The following DPP10 variants were observed in gnomAD, a reference collection of about 807,000 sequenced individuals.
The protein encoded by DPP10 is dipeptidyl peptidase like 10.
In DPP10, 33 loss-of-function variants were observed where a neutral mutation model predicts 120.9. That is an observed-to-expected ratio of 0.27 (90% CI 0.21 to 0.37). DPP10 has a LOEUF of 0.37. DPP10 is among the 10% of genes least tolerant of loss of function. The pLI, the probability that DPP10 is intolerant of heterozygous loss-of-function variation, is 1.00. For missense variants in DPP10, 816 were observed against 942.8 expected (o/e 0.87, Z 1.76); for synonymous variants, 337 against 326.1 (o/e 1.03, Z -0.36).
chr2:114,883,671 A>G (rs998677038), intron 1 of DPP10, among the ~76,000 whole-genome samples: 3 of 152,222 alleles, frequency 2.0e-5, no homozygotes. Flanking sequence ...GTGTATCTAC[A>G]TTACTAATCC....
chr2:115,007,402 T>C (rs1158918723), intron 1 of DPP10, among the ~76,000 whole-genome samples: 3 of 152,024 alleles, frequency 2.0e-5, no homozygotes, highest in Non-Finnish European at 4.4e-5. Context: ...TCTCAATAAA[T>C]TAAGTATTGA....
chr2:115,031,191 G>A (rs79482637), intron 1 of DPP10, among the ~76,000 whole-genome samples: 4,318 of 152,068 alleles, frequency 0.028, 169 homozygotes, highest in African/African-American at 0.092. Flanking sequence ...CAAGGTATCA[G>A]TCTTAGAAGA....
chr2:114,778,276 T>G (rs934986536), intron 1 of DPP10, among the ~76,000 whole-genome samples: 1 of 152,112 alleles, frequency 6.6e-6, no homozygotes, highest in East Asian at 1.9e-4. Flanking sequence ...CTAAAGTATA[T>G]TATATATGCA....
At chr2:114,699,356 G>A (rs1190828984) in intron 1 of DPP10, among the ~76,000 whole-genome samples, 4 of 152,144 alleles carry the variant, frequency 2.6e-5, no homozygotes, top group Middle Eastern at 6.8e-3. Context: ...AACATATTTT[G>A]ATAATTTAAT....
chr2:115,806,041 G>A (rs1170297807), intron 19 of DPP10, among the ~76,000 whole-genome samples: 4 of 152,108 alleles, frequency 2.6e-5, no homozygotes, highest in African/African-American at 9.7e-5. Flanking sequence ...GCAACAATGT[G>A]CCATACAAGC....
chr2:114,444,555 G>T (rs912425286), intron 1 of DPP10, among the ~76,000 whole-genome samples: 1 of 134,478 alleles, frequency 7.4e-6, no homozygotes, highest in Admixed American at 7.9e-5. Flanking sequence ...GGCATTGGCT[G>T]CCCACAAACA....
intron 3 of DPP10, among the ~76,000 whole-genome samples, chr2:115,398,508 ATAAC>A (rs1559542941): frequency 1.3e-5 from 2 of 152,092 alleles, no homozygotes; most frequent in African/African-American, 4.8e-5. Flanking sequence ...TATAGCATAA[ATAAC>A]AGAATGTGTT....
At position 114,958,192 on chromosome 2, in the gene DPP10, A is replaced by G. The variant is rs545920684; in HGVS notation, c.61-351047A>G. On this transcript the variant is annotated intron_variant, in intron 1 of 25. Coordinates refer to ENST00000410059, the MANE Select transcript of DPP10 (RefSeq NM_020868.6). ...ACAGAAACAGCTGGATTGGTTACAG[A>G]TTAGTGTTTGCCTTATTTGAACACA... 2.6e-5 allele frequency among the ~76,000 whole-genome samples: 4 copies of G among 152,332 alleles called. No homozygotes were observed. The East Asian group carries it at 7.7e-4, about 29-fold the overall frequency.
chr2:114,603,668 G>C (rs1692553647), intron 1 of DPP10, among the ~76,000 whole-genome samples: 1 of 152,080 alleles, frequency 6.6e-6, no homozygotes, highest in Admixed American at 6.6e-5. Context: ...AGGATGTGGA[G>C]GATGGGGCGG....
intron 1 of DPP10, among the ~76,000 whole-genome samples, chr2:114,550,486 C>G (rs571670522): frequency 6.6e-6 from 1 of 152,316 alleles, no homozygotes; most frequent in African/African-American, 2.4e-5. Flanking sequence ...GCTGGGACTT[C>G]GACCAGACAT....
At chr2:114,718,767 T>C (rs1222470458) in intron 1 of DPP10, among the ~76,000 whole-genome samples, 2 of 152,218 alleles carry the variant, frequency 1.3e-5, no homozygotes, top group Non-Finnish European at 2.9e-5. Context: ...GAGCTAGTCA[T>C]AGAATTGTAT....
chr2:115,679,451 C>G (rs1161627740), intron 5 of DPP10, among the ~76,000 whole-genome samples: 3 of 152,150 alleles, frequency 2.0e-5, no homozygotes, highest in African/African-American at 7.2e-5. Context: ...GTTTGCTTCC[C>G]TTTCCACCAT....
At chr2:115,387,302 AAAC>A (rs2067012156) in intron 3 of DPP10, among the ~76,000 whole-genome samples, 2 of 152,218 alleles carry the variant, frequency 1.3e-5, no homozygotes, top group Non-Finnish European at 2.9e-5. Flanking sequence ...TTTTAGCTTC[AAAC>A]AACATGTTAA....
chr2:114,945,599 G>A (rs1850866), intron 1 of DPP10, among the ~76,000 whole-genome samples: 1 of 152,126 alleles, frequency 6.6e-6, no homozygotes, highest in African/African-American at 2.4e-5. Context: ...TGGATCACCT[G>A]AGGTAAGGAG....
At chr2:114,476,795 C>T (rs935409300) in intron 1 of DPP10, among the ~76,000 whole-genome samples, 1 of 152,034 alleles carries the variant, frequency 6.6e-6, no homozygotes, top group African/African-American at 2.4e-5. Flanking sequence ...GTGAAATGTA[C>T]ACAGATACCC....
intron 3 of DPP10, among the ~76,000 whole-genome samples, chr2:115,396,459 C>T (rs192423412): frequency 6.6e-6 from 1 of 152,236 alleles, no homozygotes; most frequent in East Asian, 1.9e-4. Flanking sequence ...AAGTAAGTAA[C>T]CAGTAACTCA....
chr2:115,734,429 G>T (rs35290921), intron 8 of DPP10, among the ~76,000 whole-genome samples: 34,382 of 151,906 alleles, frequency 0.23, 4,875 homozygotes, highest in Middle Eastern at 0.41. Context: ...GCCGAGGTGG[G>T]CGGATCAACT....
chr2:114,666,803 C>T (rs1453904559), intron 1 of DPP10, among the ~76,000 whole-genome samples: 1 of 152,092 alleles, frequency 6.6e-6, no homozygotes, highest in East Asian at 1.9e-4. Context: ...ATGACCTGGT[C>T]TCATCGTAGA....
intron 1 of DPP10, among the ~76,000 whole-genome samples, chr2:115,037,273 G>T (rs759422314): frequency 9.2e-5 from 14 of 152,144 alleles, no homozygotes; most frequent in Non-Finnish European, 1.9e-4. Context: ...GAAAGGAGGA[G>T]AGAAACAACG....
Sources: gnomAD v4.1 joint callset for allele counts (sites outside exome capture counted in the v4.1 genomes callset) on GRCh38, gnomAD v4.1.1 for gene constraint, MANE v1.5 for transcripts, NCBI Gene and HGNC (gene_info 2026-07-23, HGNC 2026-07-21) for gene names.